The following CIAO2A variants were observed in gnomAD, a reference collection of about 807,000 sequenced individuals.
CIAO2A encodes the protein MIP18 family protein FAM96A.
In CIAO2A, 17 loss-of-function variants were observed where a neutral mutation model predicts 22.4. The observed-to-expected ratio is 0.76, with a 90% CI of 0.52 to 1.14. The LOEUF is 1.14. Ranked by LOEUF, CIAO2A falls within the 50% of genes most tolerant of loss-of-function variation. CIAO2A has a pLI of 0.00. For synonymous variants in CIAO2A, 74 were observed against 72.3 expected (o/e 1.02, Z -0.12); for missense variants, 192 against 191.4 (o/e 1.00, Z -0.02).
intron 1 of CIAO2A, among the ~76,000 whole-genome samples, chr15:64,091,938 T>C (rs990149132): frequency 2.0e-5 from 3 of 151,828 alleles, no homozygotes; most frequent in Non-Finnish European, 4.4e-5. Context: ...TGCATGCCTA[T>C]GGTCCCAGTC....
chr15:64,090,980 T>C (rs768808858), intron 1 of CIAO2A, among the ~76,000 whole-genome samples: 1 of 151,716 alleles, frequency 6.6e-6, no homozygotes, highest in African/African-American at 2.4e-5. Flanking sequence ...GAGAAAGAGA[T>C]GAAGGAAAGG....
chr15:64,075,474 G>T lies in CIAO2A; in HGVS notation c.385+18C>A. On this transcript the variant is annotated intron_variant, in intron 4 of 4. Transcript: ENST00000300030. ...CTATCTGAAGTTGTTTTTCAATTAT[G>T]TTTCAACATTCACTTACTGTCTTCT... 2 of 1,516,452 alleles carry T rather than the reference G, an allele frequency of 1.3e-6. No homozygotes were observed. Among genetic ancestry groups the T allele is most frequent in the Non-Finnish European group, 1.8e-6 (2 of 1,112,336 alleles). 93.9% of individuals were successfully genotyped at this position (1,516,452 alleles called of 1,614,324 possible).
chr15:64,078,285 A>C (rs2140106737), intron 3 of CIAO2A, among the ~76,000 whole-genome samples: 1 of 152,350 alleles, frequency 6.6e-6, no homozygotes, highest in African/African-American at 2.4e-5. Flanking sequence ...AAATATGTAT[A>C]AGATCATAGC....
intron 2 of CIAO2A, among the ~76,000 whole-genome samples, chr15:64,087,411 T>C (rs1220362221): frequency 2.0e-5 from 3 of 152,010 alleles, no homozygotes; most frequent in Non-Finnish European, 4.4e-5. Context: ...TTTTTTTTAG[T>C]GGAGATGGGG....
chr15:64,074,022 A>G (rs1436615584), intron 4 of CIAO2A, among the ~76,000 whole-genome samples: 2 of 152,224 alleles, frequency 1.3e-5, no homozygotes, highest in Non-Finnish European at 2.9e-5. Flanking sequence ...GGAAAATAGA[A>G]CATTTTCCAT....
At position 64,093,793 on chromosome 15, in the gene CIAO2A, A is replaced by C; in HGVS notation, c.-25T>G. On this transcript the variant is annotated 5_prime_UTR_variant, in exon 1 of 5. Transcript: ENST00000300030. ...TCTTCACGCTCAGCCATCCCTGGCGACTGTCCCAATCGCGCCACCGTCTCT... is the reference window on the plus strand; with the variant it reads ...TCTTCACGCTCAGCCATCCCTGGCGCCTGTCCCAATCGCGCCACCGTCTCT... The C allele has an allele frequency of 6.2e-7, 1 of 1,606,222 alleles. No individual in the cohort carries two copies. The highest frequency in any genetic ancestry group is 8.5e-7 in the Non-Finnish European group (1 of 1,174,118).
chr15:64,079,212 G>A (rs2080743055), intron 3 of CIAO2A, among the ~76,000 whole-genome samples: 1 of 152,132 alleles, frequency 6.6e-6, no homozygotes, highest in South Asian at 2.1e-4. Context: ...TGATATCATG[G>A]AAAATAAAAT....
At chr15:64,091,924 G>T (rs1205727384) in intron 1 of CIAO2A, among the ~76,000 whole-genome samples, 1 of 151,966 alleles carries the variant, frequency 6.6e-6, no homozygotes, top group East Asian at 1.9e-4. Flanking sequence ...GCTGGGCATG[G>T]TGGTGCATGC....
intron 2 of CIAO2A, among the ~76,000 whole-genome samples, chr15:64,087,903 T>A (rs1455768979): frequency 6.6e-6 from 1 of 152,202 alleles, no homozygotes; most frequent in Non-Finnish European, 1.5e-5. Flanking sequence ...TACAAATGTA[T>A]GTTTTTGCTT....
chr15:64,084,481 T>C (rs1174983779), intron 2 of CIAO2A, among the ~76,000 whole-genome samples: 3 of 152,160 alleles, frequency 2.0e-5, no homozygotes, highest in Non-Finnish European at 1.5e-5. Context: ...TAAAAATATT[T>C]ATATAAGGCC....
intron 2 of CIAO2A, among the ~76,000 whole-genome samples, chr15:64,088,237 G>A (rs2080813023): frequency 6.6e-6 from 1 of 152,196 alleles, no homozygotes; most frequent in South Asian, 2.1e-4. Context: ...ACTGAAAGGA[G>A]ATGGTGATGG....
At chr15:64,087,929 T>C (rs919812830) in intron 2 of CIAO2A, among the ~76,000 whole-genome samples, 1 of 152,182 alleles carries the variant, frequency 6.6e-6, no homozygotes, top group African/African-American at 2.4e-5. Flanking sequence ...ACACAAATGA[T>C]AGCAAAATGA....
chr15:64,079,380 A>G (rs2080744058), intron 3 of CIAO2A, among the ~76,000 whole-genome samples: 1 of 152,152 alleles, frequency 6.6e-6, no homozygotes, highest in Non-Finnish European at 1.5e-5. Context: ...ATCTCTACCA[A>G]AAATTAAGAA....
At chr15:64,093,519 A>C in intron 1 of CIAO2A, 126 bp downstream of exon 1, 1 of 1,195,824 alleles carries the variant, frequency 8.4e-7, no homozygotes, top group Non-Finnish European at 1.2e-6. Flanking sequence ...GGCCAAAAAC[A>C]AACAAACAAA....
intron 3 of CIAO2A, among the ~76,000 whole-genome samples, chr15:64,076,788 G>A (rs911949132): frequency 2.0e-5 from 3 of 147,596 alleles, no homozygotes; most frequent in Admixed American, 1.4e-4. Context: ...GCAGTGGCGC[G>A]ATCATGTCTC....
At chr15:64,086,131 G>A (rs1299393347) in intron 2 of CIAO2A, among the ~76,000 whole-genome samples, 1 of 151,768 alleles carries the variant, frequency 6.6e-6, no homozygotes, top group Non-Finnish European at 1.5e-5. Flanking sequence ...TTTGCTGGCT[G>A]GGAGTGGTGG....
intron 2 of CIAO2A, among the ~76,000 whole-genome samples, chr15:64,085,608 T>A (rs1264854183): frequency 1.3e-5 from 2 of 152,256 alleles, no homozygotes; most frequent in African/African-American, 4.8e-5. Flanking sequence ...TTATTATTCC[T>A]GTTTTACAGA....
chr15:64,089,829 G>T (rs1210391106), intron 1 of CIAO2A, among the ~76,000 whole-genome samples: 1 of 152,184 alleles, frequency 6.6e-6, no homozygotes, highest in African/African-American at 2.4e-5. Context: ...GAAACAGAAC[G>T]AGGAAGAAAT....
At chr15:64,090,825 T>C (rs1164613271) in intron 1 of CIAO2A, among the ~76,000 whole-genome samples, 1 of 152,170 alleles carries the variant, frequency 6.6e-6, no homozygotes, top group Non-Finnish European at 1.5e-5. Context: ...ATGACAAGGA[T>C]AAGGGCAACT....
Sources: allele counts gnomAD v4.1 joint callset (sites outside exome capture counted in the v4.1 genomes callset), GRCh38; gene constraint gnomAD v4.1.1; transcripts MANE v1.5; gene names NCBI Gene and HGNC (gene_info 2026-07-23, HGNC 2026-07-21).